Variants in GFOD1 observed in about 807,000 individuals in gnomAD.
The protein encoded by GFOD1 is Gfo/Idh/MocA-like oxidoreductase domain containing 1.
A neutral mutation model predicts 25.4 loss-of-function variants in GFOD1; 9 were observed. The ratio of observed to expected loss-of-function variants is 0.35; its 90% confidence interval spans 0.21 to 0.62. The LOEUF (loss-of-function observed/expected upper bound fraction) is 0.62, where lower values mean the gene tolerates loss of function less well. Among genes scored for constraint, GFOD1 ranks in the 20% least tolerant of loss-of-function variants. The probability of loss-of-function intolerance (pLI) is 0.72; values close to 1 mark genes in which losing one functional copy is unlikely to be tolerated. For missense variants in GFOD1, 403 were observed against 556.9 expected, an observed-to-expected ratio of 0.72 and a Z score of 2.78; for synonymous variants, 253 against 245.6, an observed-to-expected ratio of 1.03 and a Z score of -0.28.
At chr6:13,392,822 A>C (rs1434278230) in intron 1 of GFOD1, among the ~76,000 whole-genome samples, 1 of 152,080 alleles carries the variant, frequency 6.6e-6, no homozygotes, top group Non-Finnish European at 1.5e-5. Flanking sequence ...TTGAGAGGCC[A>C]AGGCGGGAGG....
intron 1 of GFOD1, among the ~76,000 whole-genome samples, chr6:13,427,458 G>A (rs985839796): frequency 6.6e-6 from 1 of 152,040 alleles, no homozygotes; most frequent in African/African-American, 2.4e-5. Context: ...CCAGGAGTTT[G>A]AAACCACCCT....
At chr6:13,473,345 G>T (rs1482203870) in intron 1 of GFOD1, among the ~76,000 whole-genome samples, 1 of 152,188 alleles carries the variant, frequency 6.6e-6, no homozygotes, top group Non-Finnish European at 1.5e-5. Context: ...GCATGCCCCT[G>T]ACTCCATCAG....
At chr6:13,478,401 A>G (rs1173009539) in intron 1 of GFOD1, among the ~76,000 whole-genome samples, 1 of 152,222 alleles carries the variant, frequency 6.6e-6, no homozygotes, top group Non-Finnish European at 1.5e-5. Context: ...GGACTCCCAA[A>G]GTGCTGGGAT....
At chr6:13,425,024 T>C (rs1192995801) in intron 1 of GFOD1, among the ~76,000 whole-genome samples, 1 of 147,800 alleles carries the variant, frequency 6.8e-6, no homozygotes, top group East Asian at 2.0e-4. Context: ...AGTGGTGCAA[T>C]CTAGGCTCAT....
rs775989798 is a variant in GFOD1, at chr6:13,365,493, G to A, written c.423C>T (p.Gly141=). 3 of 1,607,610 alleles carry A rather than the reference G, an allele frequency of 1.9e-6. No homozygotes were observed. The highest frequency in any genetic ancestry group is 1.3e-5 in the African/African-American group (1 of 74,648). Residue 141 remains glycine (G), a synonymous_variant, in exon 2 of 2, where the codon GGC becomes GGT. Transcript: ENST00000379287. The surrounding 1 kb of genome is among the most constrained non-coding windows in gnomAD (Gnocchi z 9.2). The part of the protein sequence containing the change: ...MKQLIEEGYV[G]EPLVCEVQVH... ...CCTGCACCTCACACACCAGCGGCTC[G>A]CCCACGTAGCCCTCCTCGATCAGCT...
intron 1 of GFOD1, among the ~76,000 whole-genome samples, chr6:13,399,201 G>C (rs947476463): frequency 6.6e-6 from 1 of 152,022 alleles, no homozygotes; most frequent in Non-Finnish European, 1.5e-5. Flanking sequence ...GGCATGTAGG[G>C]ACAGTTTTTC....
At chr6:13,472,743 A>G (rs1427848483) in intron 1 of GFOD1, among the ~76,000 whole-genome samples, 1 of 152,244 alleles carries the variant, frequency 6.6e-6, no homozygotes, top group Non-Finnish European at 1.5e-5. Context: ...CTTTCACCAG[A>G]ATGACATCAA....
At chr6:13,369,885 G>T (rs1785115462) in intron 1 of GFOD1, among the ~76,000 whole-genome samples, 1 of 151,972 alleles carries the variant, frequency 6.6e-6, no homozygotes, top group Non-Finnish European at 1.5e-5. Context: ...AAAAGAAAAA[G>T]AAAAACCCTA....
intron 1 of GFOD1, among the ~76,000 whole-genome samples, chr6:13,369,275 T>C (rs1272595037): frequency 6.6e-6 from 1 of 152,260 alleles, no homozygotes; most frequent in Non-Finnish European, 1.5e-5. Context: ...TAACACACGA[T>C]ATCTTCAAAA....
chr6:13,485,193 T>A (rs1041830804), intron 1 of GFOD1, among the ~76,000 whole-genome samples: 1 of 152,258 alleles, frequency 6.6e-6, no homozygotes, highest in Non-Finnish European at 1.5e-5. Flanking sequence ...TTCTATCAGA[T>A]GTTGCATCTG....
intron 1 of GFOD1, chr6:13,469,395 T>C (rs1758437583): frequency 1.0e-6 from 1 of 985,466 alleles, no homozygotes; most frequent in African/African-American, 1.7e-5. Context: ...GTGGGATACA[T>C]GCAGTCCCCA....
At chr6:13,402,677 A>G (rs1316599672) in intron 1 of GFOD1, among the ~76,000 whole-genome samples, 1 of 152,236 alleles carries the variant, frequency 6.6e-6, no homozygotes, top group African/African-American at 2.4e-5. Context: ...ACAGAAAATA[A>G]CAAGTGTTGG....
At chr6:13,447,072 C>G (rs17768735) in intron 1 of GFOD1, among the ~76,000 whole-genome samples, 1 of 152,064 alleles carries the variant, frequency 6.6e-6, no homozygotes, top group Admixed American at 6.6e-5. Flanking sequence ...CACAGAAGAT[C>G]GGTGTCAGAA....
Position 13,400,747 on chromosome 6 carries a change from T to G in GFOD1, c.254-35085A>C, listed in dbSNP as rs533005022. Among the ~76,000 whole-genome samples, 14 of 152,264 alleles carry G rather than the reference T, an allele frequency of 9.2e-5. No homozygotes were observed. The South Asian group carries it at 2.7e-3, about 29-fold the overall frequency. ...CATTTCAAAGCAAGAGGGAAGAGTC[T>G]TGGGAGACCAGAGACAACACCATAT... On this transcript the variant is annotated intron_variant, in intron 1 of 1. Transcript: ENST00000379287.
intron 1 of GFOD1, among the ~76,000 whole-genome samples, chr6:13,380,159 C>A (rs558249879): frequency 3.5e-4 from 53 of 152,300 alleles, no homozygotes; most frequent in African/African-American, 1.2e-3. Flanking sequence ...TGCGTGGCAG[C>A]ACAGGGGATG....
intron 1 of GFOD1, among the ~76,000 whole-genome samples, chr6:13,420,766 G>A (rs1786242224): frequency 6.6e-6 from 1 of 152,164 alleles, no homozygotes; most frequent in African/African-American, 2.4e-5. Context: ...TTTTTTCCGG[G>A]TCTTTGAGAG....
chr6:13,472,489 G>A (rs557836272), intron 1 of GFOD1, among the ~76,000 whole-genome samples: 1 of 152,234 alleles, frequency 6.6e-6, no homozygotes, highest in East Asian at 1.9e-4. Flanking sequence ...GCCCTGTTTA[G>A]GTCAACAACC....
At chr6:13,389,694 A>G (rs1434808743) in intron 1 of GFOD1, among the ~76,000 whole-genome samples, 1 of 152,132 alleles carries the variant, frequency 6.6e-6, no homozygotes, top group Non-Finnish European at 1.5e-5. Context: ...GCAAACCAAC[A>G]TGGCACATGT....
chr6:13,438,799 G>A lies in GFOD1; in HGVS notation c.253+47839C>T, dbSNP rs571906641. On this transcript the variant is annotated intron_variant, in intron 1 of 1. Transcript: ENST00000379287. Reference sequence around the variant, plus strand: ...CCCCAGCCCAGTGGTGAACATCCTAGCACTAATAAATGCCAGTAAAAACCC... The same window carrying A: ...CCCCAGCCCAGTGGTGAACATCCTAACACTAATAAATGCCAGTAAAAACCC... Among the ~76,000 whole-genome samples, 3 of 152,258 alleles carry A rather than the reference G, an allele frequency of 2.0e-5. No individual in the cohort carries two copies. The East Asian group carries it at 5.8e-4, about 29-fold the overall frequency.
Sources: gnomAD v4.1 joint callset for allele counts (sites outside exome capture counted in the v4.1 genomes callset) on GRCh38, gnomAD v4.1.1 for gene constraint, Gnocchi (gnomAD v3.1) non-coding constraint, MANE v1.5 for transcripts, NCBI Gene and HGNC (gene_info 2026-07-23, HGNC 2026-07-21) for gene names.